PGBD5: variants seen among roughly 807,000 people sequenced by gnomAD.
PGBD5 encodes the protein piggyBac transposable element-derived protein 5.
PGBD5 carries 14 observed loss-of-function variants against 47.9 expected under a neutral mutation model. The observed-to-expected ratio is 0.29, with a 90% confidence interval of 0.19 to 0.46. The LOEUF is 0.46. PGBD5 is among the 20% of genes least tolerant of loss of function. The pLI is 1.00. For synonymous variants in PGBD5, 316 were observed against 306.3 expected (o/e 1.03, Z -0.33); for missense variants, 635 against 716.0 (o/e 0.89, Z 1.29).
chr1:230,339,275 C>G (rs2102820032), intron 3 of PGBD5, among the ~76,000 whole-genome samples: 1 of 152,320 alleles, frequency 6.6e-6, no homozygotes, highest in Middle Eastern at 3.4e-3. Flanking sequence ...AATGTACTTT[C>G]CTGAAGACCA....
intron 3 of PGBD5, among the ~76,000 whole-genome samples, chr1:230,348,325 C>T (rs983376982): frequency 2.6e-5 from 4 of 152,184 alleles, no homozygotes; most frequent in Non-Finnish European, 4.4e-5. Flanking sequence ...AGCTAGTTCA[C>T]GTGGGAGGTA....
intron 1 of PGBD5, among the ~76,000 whole-genome samples, chr1:230,389,880 C>A (rs756775299): frequency 4.1e-4 from 62 of 152,246 alleles, no homozygotes; most frequent in Non-Finnish European, 7.2e-4. Context: ...TGGGATGGGA[C>A]CTGAGGACAT....
rs1041894782 is a variant in PGBD5, at chr1:230,422,520, C to G, written c.331+3078G>C. Among the ~76,000 whole-genome samples, 8 of 152,142 alleles carry G rather than the reference C, an allele frequency of 5.3e-5. No individual in the cohort carries two copies. In the East Asian group the frequency reaches 1.5e-3, roughly 29 times the overall value. ...CCCAGTAGGCATTTCAGCTCCCAGG[C>G]AGATCATGCATCTCCACAGGGGTTA... On this transcript the variant is annotated intron_variant, in intron 1 of 6. Coordinates refer to ENST00000391860, the MANE Select transcript of PGBD5 (RefSeq NM_001258311.2).
intron 1 of PGBD5, among the ~76,000 whole-genome samples, chr1:230,381,361 C>T (rs914866786): frequency 4.6e-5 from 7 of 152,208 alleles, no homozygotes; most frequent in African/African-American, 7.2e-5. Context: ...AACATGCACA[C>T]GCTGCTGCTG....
rs191329884 is a variant in PGBD5, at chr1:230,405,315, G to A, written c.331+20283C>T. Reference sequence around the variant, plus strand: ...ATTTCCTTCCTCCTCTGCCACCCCTGAGACAGCAAGACCAATCCCTCCTCA... The same window carrying A: ...ATTTCCTTCCTCCTCTGCCACCCCTAAGACAGCAAGACCAATCCCTCCTCA... On this transcript the variant is annotated intron_variant, in intron 1 of 6. Coordinates refer to ENST00000391860, the MANE Select transcript of PGBD5 (RefSeq NM_001258311.2). Among the ~76,000 whole-genome samples, 424 of 152,096 alleles carry A rather than the reference G, an allele frequency of 2.8e-3. 9 individuals are homozygous for A. The highest frequency in any genetic ancestry group is 3.2e-3 in the Non-Finnish European group (221 of 68,000).
chr1:230,383,329 T>C (rs1656558191), intron 1 of PGBD5, among the ~76,000 whole-genome samples: 2 of 151,546 alleles, frequency 1.3e-5, no homozygotes, highest in South Asian at 4.2e-4. Context: ...CCACCTCAGC[T>C]TCCCAAAATG....
At chr1:230,377,026 A>G (rs1404194949) in intron 1 of PGBD5, among the ~76,000 whole-genome samples, 1 of 152,150 alleles carries the variant, frequency 6.6e-6, no homozygotes, top group African/African-American at 2.4e-5. Flanking sequence ...ACTCACAGAG[A>G]AAGGGCACTT....
intron 1 of PGBD5, among the ~76,000 whole-genome samples, chr1:230,419,642 C>T (rs965961394): frequency 1.4e-4 from 22 of 152,178 alleles, no homozygotes; most frequent in Non-Finnish European, 2.9e-5. Flanking sequence ...CATCGCATAC[C>T]GGTTTGCTGC....
At chr1:230,405,068 G>A (rs1461647420) in intron 1 of PGBD5, among the ~76,000 whole-genome samples, 1 of 150,474 alleles carries the variant, frequency 6.6e-6, no homozygotes, top group African/African-American at 2.4e-5. Context: ...GGTGGCAGGC[G>A]CCTGTAGTCC....
intron 1 of PGBD5, chr1:230,362,268 T>C: frequency 7.3e-7 from 1 of 1,364,952 alleles, no homozygotes; most frequent in Non-Finnish European, 9.8e-7. Context: ...TACCAGCTCC[T>C]TCACCTCCAT....
At chr1:230,346,610 G>A (rs1667476120) in intron 3 of PGBD5, among the ~76,000 whole-genome samples, 1 of 152,156 alleles carries the variant, frequency 6.6e-6, no homozygotes, top group Admixed American at 6.5e-5. Flanking sequence ...TTCCCTGCCT[G>A]CCTACTTTTG....
At chr1:230,396,997 G>T (rs922193180) in intron 1 of PGBD5, among the ~76,000 whole-genome samples, 1 of 152,182 alleles carries the variant, frequency 6.6e-6, no homozygotes, top group Non-Finnish European at 1.5e-5. Context: ...CGCCTTGGGG[G>T]TCCTTTCTAA....
In PGBD5 at chr1:230,422,538, A is replaced by G. The variant is rs57413862; in HGVS notation, c.331+3060T>C. On this transcript the variant is annotated intron_variant, in intron 1 of 6. Coordinates refer to ENST00000391860, the MANE Select transcript of PGBD5 (RefSeq NM_001258311.2). ...TCCCAGGCAGATCATGCATCTCCACAGGGGTTAAGAGCCCAACAGCTAGCC... is the reference window on the plus strand; with the variant it reads ...TCCCAGGCAGATCATGCATCTCCACGGGGGTTAAGAGCCCAACAGCTAGCC... 1.8e-3 allele frequency among the ~76,000 whole-genome samples: 279 copies of G among 152,262 alleles called. 1 individual carries two copies. The highest frequency in any genetic ancestry group is 6.5e-3 in the African/African-American group (270 of 41,554).
At chr1:230,377,513 T>C (rs1428221576) in intron 1 of PGBD5, 3 of 1,612,964 alleles carry the variant, frequency 1.9e-6, no homozygotes, top group Non-Finnish European at 8.5e-7. Flanking sequence ...AATGAATCGC[T>C]TGGCTGCAGA....
intron 3 of PGBD5, 24 bp downstream of exon 3, chr1:230,350,934 C>G (rs777495748): frequency 1.2e-6 from 2 of 1,611,466 alleles, no homozygotes; most frequent in Non-Finnish European, 1.7e-6. Context: ...CACCGACCCT[C>G]CCCGGGCTCA....
chr1:230,406,180 C>T (rs560971983), intron 1 of PGBD5, among the ~76,000 whole-genome samples: 119 of 151,816 alleles, frequency 7.8e-4, no homozygotes, highest in African/African-American at 2.1e-3. Flanking sequence ...TGGTGGCGGG[C>T]GCCTGTAGTC....
intron 1 of PGBD5, among the ~76,000 whole-genome samples, chr1:230,383,409 G>A (rs1656560922): frequency 6.6e-6 from 1 of 151,976 alleles, no homozygotes; most frequent in Non-Finnish European, 1.5e-5. Flanking sequence ...CTGTCACCCA[G>A]GCTGGAGTGC....
chr1:230,379,006 A>G lies in PGBD5; in HGVS notation c.332-21685T>C, dbSNP rs185985674. 1.8e-4 allele frequency among the ~76,000 whole-genome samples: 27 copies of G among 152,226 alleles called. No individual in the cohort carries two copies. The East Asian group carries it at 5.2e-3, about 29-fold the overall frequency. ...ACCTTGAGGGGACGTTTTTCTGTTC[A>G]ACAAAGCCACCCCAAGGACTAGGGG... On this transcript the variant is annotated intron_variant, in intron 1 of 6. Transcript: ENST00000391860.
At chr1:230,347,696 C>T (rs1168075147) in intron 3 of PGBD5, among the ~76,000 whole-genome samples, 2 of 151,858 alleles carry the variant, frequency 1.3e-5, no homozygotes, top group Non-Finnish European at 2.9e-5. Context: ...AATTTGGGCT[C>T]TCCTGGAACA....
Sources: allele counts gnomAD v4.1 joint callset (sites outside exome capture counted in the v4.1 genomes callset), GRCh38; gene constraint gnomAD v4.1.1; transcripts MANE v1.5; gene names NCBI Gene and HGNC (gene_info 2026-07-23, HGNC 2026-07-21).